The following ARHGEF10L variants were observed in gnomAD, a reference collection of about 807,000 sequenced individuals.
ARHGEF10L encodes the protein rho guanine nucleotide exchange factor 10-like protein.
A neutral mutation model predicts 141.2 loss-of-function variants in ARHGEF10L; 69 were observed. The observed-to-expected ratio is 0.49, with a 90% CI of 0.40 to 0.60. ARHGEF10L has a LOEUF of 0.60. Among genes scored for constraint, ARHGEF10L ranks in the 20% least tolerant of loss-of-function variants. ARHGEF10L has a pLI of 0.00. For missense variants in ARHGEF10L, 1,482 were observed against 1,734.3 expected (o/e 0.85, Z 2.58); for synonymous variants, 711 against 718.5 (o/e 0.99, Z 0.17).
intron 2 of ARHGEF10L, among the ~76,000 whole-genome samples, chr1:17,587,231 C>T (rs908605536): frequency 2.6e-5 from 4 of 152,154 alleles, no homozygotes; most frequent in African/African-American, 9.7e-5. Context: ...CCTGGGAGCA[C>T]ACTCCCTTCC....
At chr1:17,530,130 G>A in the ARHGEF10L span, among the ~76,000 whole-genome samples, 4 of 152,060 alleles carry the variant, frequency 2.6e-5, no homozygotes, top group African/African-American at 9.7e-5. Flanking sequence ...ACCGCACCTG[G>A]CCACACAGCA....
intron 4 of ARHGEF10L, among the ~76,000 whole-genome samples, chr1:17,601,356 A>G (rs1411300527): frequency 1.3e-5 from 2 of 152,156 alleles, no homozygotes; most frequent in Non-Finnish European, 2.9e-5. Flanking sequence ...TGCTCTGTGG[A>G]AGGGACTCAC....
At chr1:17,633,599 G>A (rs529420362) in intron 16 of ARHGEF10L, among the ~76,000 whole-genome samples, 16 of 152,172 alleles carry the variant, frequency 1.1e-4, no homozygotes, top group Non-Finnish European at 1.9e-4. Flanking sequence ...TGATCGGCCC[G>A]CCTCAGCCTC....
At position 17,644,437 on chromosome 1, in the gene ARHGEF10L, C is replaced by T. The variant is rs992495074; in HGVS notation, c.2273-4117C>T. ...TGGGTCTCCTCTCCAGGAGTAGGGC[C>T]GAGGGCGTGGCCTTGGAGTCCGACC... On this transcript the variant is annotated intron_variant, in intron 21 of 28. Coordinates refer to ENST00000361221, the MANE Select transcript of ARHGEF10L (RefSeq NM_018125.4). The surrounding 1 kb of genome is among the most constrained non-coding windows in gnomAD (Gnocchi z 4.5). Among the ~76,000 whole-genome samples the T allele has an allele frequency of 1.3e-5, 2 of 152,192 alleles. No homozygotes were observed. The highest frequency in any genetic ancestry group is 1.5e-5 in the Non-Finnish European group (1 of 68,034).
chr1:17,627,596 G>T lies in ARHGEF10L; in HGVS notation c.1584+93G>T, dbSNP rs1365191122. On this transcript the variant is annotated intron_variant, in intron 15 of 28. Coordinates refer to ENST00000361221, the MANE Select transcript of ARHGEF10L (RefSeq NM_018125.4). The surrounding 1 kb of genome is among the most constrained non-coding windows in gnomAD (Gnocchi z 4.0). ...TGCCCCACGCCACCCACACTAGGTG[G>T]CAGTGTTCTCTGAGGGAGGGGAGGC... The T allele has an allele frequency of 6.8e-7, 1 of 1,467,790 alleles. No individual in the cohort carries two copies. Among genetic ancestry groups the T allele is most frequent in the East Asian group, 2.4e-5 (1 of 40,880 alleles). The allele number at this position is 1,467,790 out of a possible 1,614,324, so 90.9% of individuals were successfully genotyped here.
intron 21 of ARHGEF10L, among the ~76,000 whole-genome samples, chr1:17,643,637 C>G (rs2061438213): frequency 1.3e-5 from 2 of 152,160 alleles, no homozygotes; most frequent in African/African-American, 4.8e-5. Context: ...CTCTGTGATC[C>G]CAGCAAACTA....
In ARHGEF10L at chr1:17,623,013, G is replaced by T; in HGVS notation, c.1038G>T (p.Leu346=). The change falls in exon 12 of 29, where the codon CTG becomes CTT. Residue 346 remains leucine, a synonymous_variant. Transcript: ENST00000361221. The surrounding 1 kb of genome is among the most constrained non-coding windows in gnomAD (Gnocchi z 4.7). ...KRILQDYRNP[L]MEMEPKALSA... is the part of the protein sequence containing the mutation. ...CCCGGCAGGACTACCGCAACCCCCT[G>T]ATGGAGATGGAGCCCAAGGCGCTGA... The T allele has an allele frequency of 1.2e-6, 2 of 1,613,414 alleles. No individual in the cohort carries two copies. Among genetic ancestry groups the T allele is most frequent in the Non-Finnish European group, 1.7e-6 (2 of 1,179,872 alleles).
the ARHGEF10L span, among the ~76,000 whole-genome samples, chr1:17,519,124 G>A: frequency 6.6e-6 from 1 of 151,608 alleles, no homozygotes; most frequent in Non-Finnish European, 1.5e-5. Flanking sequence ...GCGGTGAGCC[G>A]AGATCGAACT....
chr1:17,558,692 G>T lies in ARHGEF10L; in HGVS notation c.-44+18742G>T, dbSNP rs1203768128. Among the ~76,000 whole-genome samples the T allele has an allele frequency of 5.9e-5, 9 of 152,238 alleles. No individual in the cohort carries two copies. The highest frequency in any genetic ancestry group is 1.3e-4 in the Non-Finnish European group (9 of 68,052). The stretch of plus-strand genomic sequence containing the variant: ...TGACACTCAGGTTCTCTTTGGTTTT[G>T]CAAGTGGTCCCACGAGGTCTGGGCC... On this transcript the variant is annotated intron_variant, in intron 1 of 28. Coordinates refer to ENST00000361221, the MANE Select transcript of ARHGEF10L (RefSeq NM_018125.4). This position sits in a 1 kb window ranked among gnomAD's most constrained non-coding sequence, Gnocchi z 4.2.
At chr1:17,528,544 C>CCCATCCAT in the ARHGEF10L span, among the ~76,000 whole-genome samples, 9 of 152,034 alleles carry the variant, frequency 5.9e-5, no homozygotes, top group Admixed American at 4.6e-4. Context: ...CATCCATCCA[C>CCCATCCAT]CCATCCATCC....
At chr1:17,614,019 C>T (rs968241546) in intron 8 of ARHGEF10L, among the ~76,000 whole-genome samples, 2 of 152,210 alleles carry the variant, frequency 1.3e-5, no homozygotes, top group Non-Finnish European at 2.9e-5. Flanking sequence ...CATGCCTGAC[C>T]GCCCTGTCCT....
chr1:17,558,956 G>A lies in ARHGEF10L; in HGVS notation c.-44+19006G>A, dbSNP rs1269074017. Among the ~76,000 whole-genome samples, 1 of 152,130 alleles carries A rather than the reference G, an allele frequency of 6.6e-6. No individual in the cohort carries two copies. Among genetic ancestry groups the A allele is most frequent in the Non-Finnish European group, 1.5e-5 (1 of 68,018 alleles). ...TTTTCTTGTGTAGATTGGAGCCTTT[G>A]CATTCATGAAAGCTGATGACTCCTT... On this transcript the variant is annotated intron_variant, in intron 1 of 28. Transcript: ENST00000361221. The surrounding 1 kb of genome is among the most constrained non-coding windows in gnomAD (Gnocchi z 4.2).
At chr1:17,551,399 C>T (rs2077106395) in intron 1 of ARHGEF10L, among the ~76,000 whole-genome samples, 1 of 151,896 alleles carries the variant, frequency 6.6e-6, no homozygotes, top group African/African-American at 2.4e-5. Context: ...GTGGAAAAGG[C>T]AGAGTTAGGT....
In ARHGEF10L at chr1:17,565,764, C is replaced by T. The variant is rs181152333; in HGVS notation, c.-43-14789C>T. ...GGCAGTCTGGTTGTTTATTTACTAA[C>T]TCGGGTACCAGGACCGTGGCTGGGC... On this transcript the variant is annotated intron_variant, in intron 1 of 28. Coordinates refer to ENST00000361221, the MANE Select transcript of ARHGEF10L (RefSeq NM_018125.4). Among the ~76,000 whole-genome samples, 16 of 152,298 alleles carry T rather than the reference C, an allele frequency of 1.1e-4. No homozygotes were observed. The East Asian group carries it at 2.1e-3, about 20-fold the overall frequency.
intron 1 of ARHGEF10L, among the ~76,000 whole-genome samples, chr1:17,556,652 A>G (rs961809796): frequency 1.3e-5 from 2 of 152,178 alleles, no homozygotes; most frequent in South Asian, 4.1e-4. Flanking sequence ...ACTGAGAGCT[A>G]GTAATTCTCA....
intron 6 of ARHGEF10L, among the ~76,000 whole-genome samples, chr1:17,606,973 C>T (rs1402013568): frequency 6.6e-6 from 1 of 152,350 alleles, no homozygotes; most frequent in South Asian, 2.1e-4. Context: ...CAGTCCAAGG[C>T]ATTTCCCGCA....
chr1:17,638,222 T>G (rs2061128223), intron 19 of ARHGEF10L, among the ~76,000 whole-genome samples: 1 of 152,286 alleles, frequency 6.6e-6, no homozygotes, highest in African/African-American at 2.4e-5. Context: ...CTGGTTTGGG[T>G]TGAGTGGAGC....
chr1:17,535,998 C>T (rs1309100120), upstream of ARHGEF10L, among the ~76,000 whole-genome samples: 1 of 152,202 alleles, frequency 6.6e-6, no homozygotes, highest in East Asian at 1.9e-4. Context: ...ATGCAGGCTG[C>T]AGGTAGGGGC....
intron 6 of ARHGEF10L, chr1:17,604,675 T>C (rs1412836271): frequency 6.6e-6 from 1 of 152,250 alleles, no homozygotes. Flanking sequence ...GATATGCTTA[T>C]CCCTTTAGCA....
Sources: allele counts gnomAD v4.1 joint callset (sites outside exome capture counted in the v4.1 genomes callset), GRCh38; gene constraint gnomAD v4.1.1; non-coding constraint Gnocchi (gnomAD v3.1); transcripts MANE v1.5; gene names NCBI Gene and HGNC (gene_info 2026-07-23, HGNC 2026-07-21).